LY6S: variants seen among roughly 807,000 people sequenced by gnomAD.
The protein encoded by LY6S is lymphocyte antigen 6 family member S, also known as lymphocyte antigen 6S.
chr8:143,044,395 G>C, the LY6S span, among the ~76,000 whole-genome samples: 1 of 152,130 alleles, frequency 6.6e-6, no homozygotes, highest in African/African-American at 2.4e-5. Context: ...TGAGGGCCCT[G>C]TGGGCGCCCC....
chr8:143,066,126 TC>T, the LY6S span: 1 of 357,284 alleles, frequency 2.8e-6, no homozygotes, highest in Non-Finnish European at 5.4e-6. Context: ...TGCTGCGGCC[TC>T]CATGATGTTT....
the LY6S span, chr8:143,044,731 G>A: frequency 5.8e-6 from 8 of 1,367,592 alleles, no homozygotes; most frequent in East Asian, 3.6e-4. Flanking sequence ...ATCCAGGAAG[G>A]GGCACGAGAC....
At chr8:143,070,463 T>TATAC in the LY6S span, among the ~76,000 whole-genome samples, 2 of 39,268 alleles carry the variant, frequency 5.1e-5, no homozygotes, top group African/African-American at 1.7e-4. Flanking sequence ...TATATATATA[T>TATAC]AATATATATA....
At chr8:143,065,793 T>TTCTTTCTTTCTC in the LY6S span, 1 of 121,400 alleles carries the variant, frequency 8.2e-6, no homozygotes, top group African/African-American at 3.5e-5. Flanking sequence ...TTTTCTTTCT[T>TTCTTTCTTTCTC]TCTTTCTTTC....
the LY6S span, among the ~76,000 whole-genome samples, chr8:143,043,832 G>T: frequency 7.2e-5 from 11 of 152,142 alleles, no homozygotes. Flanking sequence ...TGCCCCACCA[G>T]GCCCGGCTAA....
At chr8:143,049,248 A>C in the LY6S span, 6 of 534,464 alleles carry the variant, frequency 1.1e-5, no homozygotes, top group African/African-American at 1.2e-4. Context: ...CTCTACTCTC[A>C]CTGAACACCC....
chr8:143,073,167 T>C, the LY6S span, among the ~76,000 whole-genome samples: 111 of 81,888 alleles, frequency 1.4e-3, no homozygotes, highest in African/African-American at 4.6e-3. Context: ...TCCCCGGGGT[T>C]CCTGTTTGAG....
the LY6S span, chr8:143,044,956 G>A: frequency 4.3e-6 from 3 of 705,664 alleles, no homozygotes; most frequent in African/African-American, 3.8e-5. Flanking sequence ...ACACCTGCCT[G>A]CAACTGGCAG....
At chr8:143,044,854 T>G in the LY6S span, 1 of 1,324,260 alleles carries the variant, frequency 7.6e-7, no homozygotes, top group African/African-American at 1.5e-5. Context: ...CATACACCAA[T>G]GCCCTGGTGA....
chr8:143,060,986 A>T, the LY6S span, among the ~76,000 whole-genome samples: 1 of 130,798 alleles, frequency 7.6e-6, no homozygotes, highest in Non-Finnish European at 1.6e-5. Context: ...AGATAGGAAA[A>T]ATAAAAGCAA....
chr8:143,069,322 A>G, the LY6S span, among the ~76,000 whole-genome samples: 3 of 152,166 alleles, frequency 2.0e-5, no homozygotes, highest in Admixed American at 6.5e-5. Flanking sequence ...TCAAGATATA[A>G]CCTTGAAGCA....
At chr8:143,045,841 C>G in the LY6S span, among the ~76,000 whole-genome samples, 5 of 145,332 alleles carry the variant, frequency 3.4e-5, no homozygotes, top group East Asian at 8.4e-4. This position sits in a 1 kb window ranked among gnomAD's most constrained non-coding sequence, Gnocchi z 5.3. Context: ...ATAGGTGACT[C>G]CAGGCCAATT....
chr8:143,066,605 G>C, the LY6S span: 2 of 244,852 alleles, frequency 8.2e-6, no homozygotes, highest in African/African-American at 4.5e-5. Context: ...GCATAGACCG[G>C]AAAGAGGACA....
chr8:143,057,796 A>G, the LY6S span: 2 of 778,290 alleles, frequency 2.6e-6, no homozygotes, highest in Non-Finnish European at 4.8e-6. Context: ...GTGTTCTTGA[A>G]AAACCATCAA....
the LY6S span, among the ~76,000 whole-genome samples, chr8:143,043,545 G>C: frequency 6.6e-6 from 1 of 152,208 alleles, no homozygotes; most frequent in Non-Finnish European, 1.5e-5. Context: ...AGCAGGGTTT[G>C]AGTTCTTTCC....
chr8:143,051,088 G>T, the LY6S span, among the ~76,000 whole-genome samples: 1 of 152,214 alleles, frequency 6.6e-6, no homozygotes, highest in African/African-American at 2.4e-5. Flanking sequence ...AGGAGCCTGA[G>T]CGAGTGGCAG....
At chr8:143,041,919 G>T in the LY6S span, among the ~76,000 whole-genome samples, 1 of 58,048 alleles carries the variant, frequency 1.7e-5, no homozygotes, top group African/African-American at 6.7e-5. Context: ...TGAGACGGCC[G>T]TCCACCCAGG....
chr8:143,073,394 A>G, the LY6S span, among the ~76,000 whole-genome samples: 275 of 65,882 alleles, frequency 4.2e-3, 6 homozygotes, highest in Non-Finnish European at 4.8e-3. Context: ...GACAGCCATC[A>G]TCCTCGGGGT....
chr8:143,059,616 C>A, the LY6S span: 1 of 152,096 alleles, frequency 6.6e-6, no homozygotes, highest in African/African-American at 2.4e-5. Flanking sequence ...TAGGCACGCA[C>A]GACCACACTC....
Sources: allele counts gnomAD v4.1 joint callset (sites outside exome capture counted in the v4.1 genomes callset), GRCh38; gene constraint gnomAD v4.1.1; non-coding constraint Gnocchi (gnomAD v3.1); transcripts MANE v1.5; gene names NCBI Gene and HGNC (gene_info 2026-07-23, HGNC 2026-07-21).